Variants in LAX1 observed in about 807,000 individuals in gnomAD.
LAX1 encodes the protein lymphocyte transmembrane adapter 1.
LAX1 carries 17 observed loss-of-function variants against 20.7 expected under a neutral mutation model. The ratio of observed to expected loss-of-function variants is 0.82; its 90% CI spans 0.56 to 1.23. LAX1 has a LOEUF of 1.23. LAX1 is among the 50% of genes most tolerant of loss of function. The probability of loss-of-function intolerance (pLI) is 0.00; values close to 1 mark genes in which losing one functional copy is unlikely to be tolerated. For missense variants in LAX1, 470 were observed against 487.0 expected (o/e 0.97, Z 0.33); for synonymous variants, 165 against 181.0 (o/e 0.91, Z 0.71).
intron 1 of LAX1, among the ~76,000 whole-genome samples, chr1:203,768,240 G>C (rs550549764): frequency 1.3e-5 from 2 of 152,308 alleles, no homozygotes; most frequent in South Asian, 2.1e-4. Flanking sequence ...GGACCCAGGA[G>C]GGGGAGGTTG....
chr1:203,770,475 A>AGAG (rs1558070740), intron 1 of LAX1, among the ~76,000 whole-genome samples: 2 of 27,330 alleles, frequency 7.3e-5, no homozygotes, highest in Non-Finnish European at 8.8e-5. Flanking sequence ...GGAAGGAAGG[A>AGAG]AGGAAGGAAG....
At chr1:203,766,205 G>A (rs114671174) in intron 1 of LAX1, among the ~76,000 whole-genome samples, 3,247 of 152,256 alleles carry the variant, frequency 0.021, 135 homozygotes, top group African/African-American at 0.074. Context: ...GACTGGGCGC[G>A]GTGGCTCACA....
At chr1:203,773,455 A>T (rs1327969605) in intron 4 of LAX1, among the ~76,000 whole-genome samples, 1 of 152,074 alleles carries the variant, frequency 6.6e-6, no homozygotes, top group Non-Finnish European at 1.5e-5. Flanking sequence ...ACTCCTTCTC[A>T]AAAACAAAAA....
chr1:203,768,653 A>G (rs905314846), intron 1 of LAX1, among the ~76,000 whole-genome samples: 1 of 152,170 alleles, frequency 6.6e-6, no homozygotes, highest in South Asian at 2.1e-4. Flanking sequence ...AGGACTATAG[A>G]CTTTATTCTA....
At chr1:203,773,756 C>CTTTTTTTTTTTTTTTTTTTT (rs10714327) in intron 4 of LAX1, 119 bp from the exon 5 acceptor site, 1 of 194,662 alleles carries the variant, frequency 5.1e-6, no homozygotes, top group African/African-American at 6.6e-5. Context: ...TGTTGCTCTT[C>CTTTTTTTTTTTTTTTTTTTT]TTTTTTTTTT....
intron 1 of LAX1, among the ~76,000 whole-genome samples, chr1:203,770,479 A>AGAG (rs1159960052): frequency 8.4e-5 from 4 of 47,350 alleles, no homozygotes; most frequent in East Asian, 1.2e-3. Flanking sequence ...GGAAGGAAGG[A>AGAG]AGGAAGGAAG....
At chr1:203,766,855 T>TTTTCTA (rs1003542139) in intron 1 of LAX1, among the ~76,000 whole-genome samples, 3 of 152,076 alleles carry the variant, frequency 2.0e-5, no homozygotes, top group Non-Finnish European at 4.4e-5. Context: ...TTTGTTTGTT[T>TTTTCTA]TTTTTATTTT....
At position 203,767,410 on chromosome 1, in the gene LAX1, C is replaced by T. The variant is rs369657363; in HGVS notation, c.89+1756C>T. 3.3e-4 allele frequency among the ~76,000 whole-genome samples: 49 copies of T among 147,906 alleles called. No homozygotes were observed. The East Asian group carries it at 5.4e-3, about 16-fold the overall frequency. ...GCAACCTCCACCTCCCAGGTTCAAG[C>T]GATTCTCCTGCCTCAGCCTCCCCAG... is the stretch of plus-strand genomic sequence containing the variant. On this transcript the variant is annotated intron_variant, in intron 1 of 4. Transcript: ENST00000442561.
At chr1:203,767,745 T>A (rs1338265802) in intron 1 of LAX1, among the ~76,000 whole-genome samples, 3 of 152,194 alleles carry the variant, frequency 2.0e-5, no homozygotes, top group Non-Finnish European at 4.4e-5. Context: ...AGGGCCCTAC[T>A]AAGTACCAAG....
At position 203,770,826 on chromosome 1, in the gene LAX1, A is replaced by G. The variant is rs764110791; in HGVS notation, c.90-2A>G. ...GCACATGTCATTCGATTGTTTTTCT[A>G]GAAATAAAGACCAGATCACCAACAT... On this transcript the variant is annotated splice_acceptor_variant, in intron 1 of 4. Coordinates refer to ENST00000442561, the MANE Select transcript of LAX1 (RefSeq NM_017773.4). LOFTEE classifies it high-confidence loss of function. 1 of 1,611,532 alleles carries G rather than the reference A, an allele frequency of 6.2e-7. No individual in the cohort carries two copies. The highest frequency in any genetic ancestry group is 8.5e-7 in the Non-Finnish European group (1 of 1,177,628).
chr1:203,765,688 C>T, intron 1 of LAX1, 34 bp downstream of exon 1: 1 of 1,599,708 alleles, frequency 6.3e-7, no homozygotes, highest in South Asian at 1.1e-5. Context: ...TCCACCCTGC[C>T]CTGATTTAGG....
rs1420859816 is a variant in LAX1, at chr1:203,771,398, G to A, written c.231G>A (p.Met77Ile). ...TTCCTTACCTCCGAGTTACCGTCAT[G>A]CCCTTGCTGACTTTGCCACAAACCA... ...RQVPYLRVTV[M>I]PLLTLPQTRQ... The change falls in exon 3 of 5, where the codon ATG (methionine) becomes ATA (isoleucine). Residue 77 changes from methionine to isoleucine, a missense_variant. By Grantham distance (10) the Met-to-Ile change is conservative. Transcript: ENST00000442561. 1 of 1,613,668 alleles carries A rather than the reference G, an allele frequency of 6.2e-7. No individual in the cohort carries two copies. The highest frequency in any genetic ancestry group is 2.2e-5 in the East Asian group (1 of 44,878).
chr1:203,770,465 G>GAGA (rs1558070702), intron 1 of LAX1, among the ~76,000 whole-genome samples: 2 of 17,204 alleles, frequency 1.2e-4, no homozygotes, highest in African/African-American at 1.2e-4. Context: ...AAGGAAGGAA[G>GAGA]GAAGGAAGGA....
intron 4 of LAX1, among the ~76,000 whole-genome samples, chr1:203,772,680 C>T (rs1022908512): frequency 3.3e-5 from 5 of 152,024 alleles, no homozygotes; most frequent in African/African-American, 1.2e-4. Context: ...CCCGCCTTGG[C>T]CTCCCAAAGT....
Position 203,765,573 on chromosome 1 carries a change from G to A in LAX1, c.8G>A (p.Gly3Asp). The change falls in exon 1 of 5, where the codon GGT becomes GAT. Residue 3 changes from glycine to aspartate, a missense_variant. Transcript: ENST00000442561. MD[G>D]VTPTLSTIRG... ...TCAAAGGTTCCTGATACAATGGATG[G>A]TGTCACTCCAACCCTTTCGACAATC... The A allele has an allele frequency of 6.2e-7, 1 of 1,614,164 alleles. No individual in the cohort carries two copies. The highest frequency in any genetic ancestry group is 8.5e-7 in the Non-Finnish European group (1 of 1,180,034).
intron 1 of LAX1, 65 bp downstream of exon 1, chr1:203,765,719 T>C (rs1217000536): frequency 1.4e-6 from 2 of 1,468,794 alleles, no homozygotes; most frequent in African/African-American, 1.4e-5. Flanking sequence ...TAGTCCACCC[T>C]TAGGAGCTTC....
chr1:203,773,790 TATGCCAGTGGTA>T, intron 4 of LAX1, 73 bp from the exon 5 acceptor site: 1 of 226,298 alleles, frequency 4.4e-6, no homozygotes, highest in African/African-American at 2.8e-5. Context: ...TTTTTCAGAA[TATGCCAGTGGTA>T]TTTTCCAAGA....
intron 4 of LAX1, 29 bp downstream of exon 4, chr1:203,772,176 C>G (rs766843355): frequency 1.3e-6 from 2 of 1,539,216 alleles, no homozygotes; most frequent in Non-Finnish European, 1.8e-6. Context: ...GGGAGAATGA[C>G]ATGTCTCTGG....
Position 203,775,690 on chromosome 1 carries a change from G to C in LAX1, c.*1009G>C, listed in dbSNP as rs1667499891. The C allele has an allele frequency of 6.6e-6, 1 of 152,160 alleles. No individual in the cohort carries two copies. Among genetic ancestry groups the C allele is most frequent in the African/African-American group, 2.4e-5 (1 of 41,432 alleles). 9.4% of individuals were successfully genotyped at this position (152,160 alleles called of 1,614,324 possible). A position where few individuals can be genotyped will look rare whatever the true frequency, so the allele number is the denominator to read the frequency against. ...ATAACCCAGATATCCTTCAACAGGT[G>C]ATTGGATAAGCTGTTGATATCCATT... On this transcript the variant is annotated 3_prime_UTR_variant, in exon 5 of 5. Coordinates refer to ENST00000442561, the MANE Select transcript of LAX1 (RefSeq NM_017773.4).
Sources: allele counts gnomAD v4.1 joint callset (sites outside exome capture counted in the v4.1 genomes callset), GRCh38; gene constraint gnomAD v4.1.1; transcripts MANE v1.5; gene names NCBI Gene and HGNC (gene_info 2026-07-23, HGNC 2026-07-21).